Variants in CDYL observed in about 807,000 individuals in gnomAD.
The protein encoded by CDYL is chromodomain Y-like protein.
CDYL carries 8 observed loss-of-function variants against 47.3 expected under a neutral mutation model. The observed-to-expected ratio is 0.17, with a 90% CI of 0.10 to 0.31. The LOEUF (loss-of-function observed/expected upper bound fraction) is 0.31, where lower values mean the gene tolerates loss of function less well. Among genes scored for constraint, CDYL ranks in the 10% least tolerant of loss-of-function variants. The pLI is 1.00. For missense variants in CDYL, 471 were observed against 701.4 expected, an observed-to-expected ratio of 0.67 and a Z score of 3.71; for synonymous variants, 266 against 265.0, an observed-to-expected ratio of 1.00 and a Z score of -0.04.
chr6:4,901,680 A>T (rs1489881875), intron 2 of CDYL, among the ~76,000 whole-genome samples: 1 of 152,178 alleles, frequency 6.6e-6, no homozygotes, highest in Middle Eastern at 3.2e-3. Context: ...TGATAAGTGA[A>T]TTTTTTATAA....
intron 4 of CDYL, among the ~76,000 whole-genome samples, chr6:4,940,464 C>G (rs111723354): frequency 1.3e-5 from 2 of 152,186 alleles, no homozygotes; most frequent in African/African-American, 2.4e-5. Context: ...AGGCAAAGGA[C>G]TTCATCGTAG....
intron 1 of CDYL, among the ~76,000 whole-genome samples, chr6:4,870,356 TGAA>T (rs1391848167): frequency 6.6e-6 from 1 of 152,240 alleles, no homozygotes; most frequent in East Asian, 1.9e-4. Context: ...TCATTTCTGA[TGAA>T]GAGTCAGCCA....
chr6:4,826,460 T>C (rs980932245), intron 1 of CDYL, among the ~76,000 whole-genome samples: 10 of 152,160 alleles, frequency 6.6e-5, no homozygotes, highest in African/African-American at 1.2e-4. Flanking sequence ...ACATGAGATC[T>C]TTTTTTCTTT....
At chr6:4,850,337 C>T (rs1038271114) in intron 1 of CDYL, among the ~76,000 whole-genome samples, 2 of 152,110 alleles carry the variant, frequency 1.3e-5, no homozygotes, top group Non-Finnish European at 2.9e-5. Context: ...TACCTTTCAC[C>T]GTTGCTGTGT....
chr6:4,776,754 C>A lies in CDYL; in HGVS notation c.-30C>A. 3 of 1,179,970 alleles carry A rather than the reference C, an allele frequency of 2.5e-6. No homozygotes were observed. Among genetic ancestry groups the A allele is most frequent in the Non-Finnish European group, 3.3e-6 (3 of 912,452 alleles). 73.1% of individuals were successfully genotyped at this position (1,179,970 alleles called of 1,614,324 possible). A position where few individuals can be genotyped will look rare whatever the true frequency, so the allele number is the denominator to read the frequency against. On this transcript the variant is annotated 5_prime_UTR_variant, in exon 1 of 7. Coordinates refer to ENST00000397588, the MANE Select transcript of CDYL (RefSeq NM_004824.4). ...GGCGCCGGCGCCCGCCCCGACCCTG[C>A]CCCTCCCGCCCGCAACTCCGCCGCC...
chr6:4,806,005 CA>C (rs1759357568), intron 1 of CDYL, among the ~76,000 whole-genome samples: 1 of 152,244 alleles, frequency 6.6e-6, no homozygotes, highest in African/African-American at 2.4e-5. Context: ...GCCGCTGGCG[CA>C]GGAGCATGAG....
chr6:4,847,704 T>G (rs1432706626), intron 1 of CDYL, among the ~76,000 whole-genome samples: 1 of 152,212 alleles, frequency 6.6e-6, no homozygotes, highest in East Asian at 1.9e-4. Flanking sequence ...AATTTCAAAT[T>G]TCATACTTTA....
chr6:4,811,634 G>A (rs1182692658), intron 1 of CDYL, among the ~76,000 whole-genome samples: 3 of 140,992 alleles, frequency 2.1e-5, no homozygotes, highest in Non-Finnish European at 4.5e-5. Flanking sequence ...TTTTGAGACA[G>A]GGTCTCTGTC....
In CDYL at chr6:4,834,261, C is replaced by T. The variant is rs193003178; in HGVS notation, c.25-57452C>T. ...GCTTCTTTCAGGAGCTCTTTTAGGA[C>T]AGGCCTGGTGGTGACAAAATCTCTC... is the stretch of plus-strand genomic sequence containing the variant. On this transcript the variant is annotated intron_variant, in intron 1 of 6. Transcript: ENST00000397588. Among the ~76,000 whole-genome samples, 28 of 152,224 alleles carry T rather than the reference C, an allele frequency of 1.8e-4. 1 individual carries two copies. The East Asian group carries it at 5.2e-3, about 28-fold the overall frequency.
At chr6:4,885,565 G>A (rs139985246) in intron 1 of CDYL, among the ~76,000 whole-genome samples, 21 of 152,266 alleles carry the variant, frequency 1.4e-4, no homozygotes, top group Admixed American at 3.3e-4. Flanking sequence ...CTGTTTCTCT[G>A]ATGAGGACTC....
chr6:4,802,227 T>G lies in CDYL; in HGVS notation c.24+25420T>G, dbSNP rs189918566. On this transcript the variant is annotated intron_variant, in intron 1 of 6. Transcript: ENST00000397588. ...TTCCTGGCTTTTGCAAATACTACCT[T>G]TAGATCATTGAAAAAAAAATCACTA... Among the ~76,000 whole-genome samples the G allele has an allele frequency of 6.0e-4, 88 of 147,382 alleles. No homozygotes were observed. The East Asian group carries it at 0.016, about 27-fold the overall frequency.
rs112227339 is a variant in CDYL at position 4,935,394 on chromosome 6, A to G, written c.692-121A>G. The G allele has an allele frequency of 1.2e-3, 1,001 of 867,642 alleles. 4 individuals are homozygous for G. Among genetic ancestry groups the G allele is most frequent in the African/African-American group, 7.5e-3 (442 of 58,928 alleles). 53.7% of individuals were successfully genotyped at this position (867,642 alleles called of 1,614,324 possible). A position where few individuals can be genotyped will look rare whatever the true frequency, so the allele number is the denominator to read the frequency against. ...CTTTCTAAAGGTTCTAAGTTTTAAT[A>G]TTCTTATATTCGTTTAATCCTAAGT... On this transcript the variant is annotated intron_variant, in intron 2 of 6. Coordinates refer to ENST00000397588, the MANE Select transcript of CDYL (RefSeq NM_004824.4).
At chr6:4,934,958 G>T (rs1561717410) in intron 2 of CDYL, among the ~76,000 whole-genome samples, 1 of 152,164 alleles carries the variant, frequency 6.6e-6, no homozygotes, top group Non-Finnish European at 1.5e-5. Flanking sequence ...CTTTCTGATA[G>T]TCCCTCCCAG....
rs1440953314 is a variant in CDYL at position 4,836,140 on chromosome 6, T to C, written c.25-55573T>C. ...AGTGAGATGAACCTGGTACCTCAGA[T>C]GGAAATGCTGAAATCACCTGTCTTC... On this transcript the variant is annotated intron_variant, in intron 1 of 6. Coordinates refer to ENST00000397588, the MANE Select transcript of CDYL (RefSeq NM_004824.4). 4 of 245,276 alleles carry C rather than the reference T, an allele frequency of 1.6e-5. No individual in the cohort carries two copies. The Admixed American group carries it at 2.6e-4, about 16-fold the overall frequency. 15.2% of individuals were successfully genotyped at this position (245,276 alleles called of 1,614,324 possible).
chr6:4,942,168 T>C (rs145848045), intron 4 of CDYL, among the ~76,000 whole-genome samples: 2,199 of 152,308 alleles, frequency 0.014, 28 homozygotes, highest in South Asian at 0.031. Context: ...AAAGACTTAG[T>C]GCAACTCATT....
At chr6:4,904,347 C>G (rs1164054558) in intron 2 of CDYL, among the ~76,000 whole-genome samples, 1 of 152,224 alleles carries the variant, frequency 6.6e-6, no homozygotes, top group Non-Finnish European at 1.5e-5. Flanking sequence ...ATGTAATTGG[C>G]TCTCAGTCTA....
chr6:4,818,545 C>A (rs1241664630), intron 1 of CDYL, among the ~76,000 whole-genome samples: 1 of 152,092 alleles, frequency 6.6e-6, no homozygotes, highest in Non-Finnish European at 1.5e-5. Flanking sequence ...GAGATGTATT[C>A]ATTAGATGCA....
At chr6:4,722,783 A>G (rs904764821) in intron 2 of CDYL, among the ~76,000 whole-genome samples, 1 of 152,194 alleles carries the variant, frequency 6.6e-6, no homozygotes, top group Non-Finnish European at 1.5e-5. Context: ...AGGCTGAGGC[A>G]TGACAATTGC....
chr6:4,844,469 T>C (rs1344855354), intron 1 of CDYL, among the ~76,000 whole-genome samples: 1 of 152,200 alleles, frequency 6.6e-6, no homozygotes, highest in Non-Finnish European at 1.5e-5. Flanking sequence ...TCCTGGTACG[T>C]TCCTGCCGTA....
Sources: gnomAD v4.1 joint callset for allele counts (sites outside exome capture counted in the v4.1 genomes callset) on GRCh38, gnomAD v4.1.1 for gene constraint, MANE v1.5 for transcripts, NCBI Gene and HGNC (gene_info 2026-07-23, HGNC 2026-07-21) for gene names.